GABRB2: variants seen among roughly 807,000 people sequenced by gnomAD.
GABRB2 encodes the protein gamma-aminobutyric acid type A receptor subunit beta2, also known as gamma-aminobutyric acid receptor subunit beta-2.
In GABRB2, 16 loss-of-function variants were observed where a neutral mutation model predicts 54.7. The ratio of observed to expected loss-of-function variants is 0.29; its 90% CI spans 0.20 to 0.44. GABRB2 has a LOEUF of 0.44. Among genes scored for constraint, GABRB2 ranks in the 20% least tolerant of loss-of-function variants. The pLI is 1.00. For missense variants in GABRB2, 355 were observed against 644.0 expected (o/e 0.55, Z 4.86); for synonymous variants, 244 against 233.8 (o/e 1.04, Z -0.40).
In GABRB2 at chr5:161,541,302, T is replaced by C. The variant is rs115013253; in HGVS notation, c.237+3925A>G. Among the ~76,000 whole-genome samples the C allele has an allele frequency of 5.5e-3, 841 of 152,246 alleles. 7 individuals carry two copies. Among genetic ancestry groups the C allele is most frequent in the African/African-American group, 0.019 (798 of 41,524 alleles). ...GAGCACAGGCCGAGTAGATTTAGCA[T>C]CATTCTTAAGGGACCTAGGATTTGA... On this transcript the variant is annotated intron_variant, in intron 3 of 9. Coordinates refer to ENST00000393959, the MANE Select transcript of GABRB2 (RefSeq NM_001371727.1).
intron 3 of GABRB2, among the ~76,000 whole-genome samples, chr5:161,481,064 C>T (rs755305445): frequency 4.6e-5 from 7 of 152,004 alleles, no homozygotes; most frequent in Non-Finnish European, 1.0e-4. Flanking sequence ...TCTATTCAAA[C>T]AACAAACGCA....
intron 5 of GABRB2, among the ~76,000 whole-genome samples, chr5:161,392,927 A>C (rs1365829214): frequency 6.6e-6 from 1 of 152,116 alleles, no homozygotes; most frequent in Admixed American, 6.6e-5. Flanking sequence ...TATTATTCAA[A>C]CTTTTTATTA....
chr5:161,333,047 T>A (rs556691781), intron 7 of GABRB2, among the ~76,000 whole-genome samples: 2 of 152,272 alleles, frequency 1.3e-5, no homozygotes, highest in South Asian at 4.1e-4. Flanking sequence ...ACATTGCTGA[T>A]TTTACTACTT....
At chr5:161,440,936 C>A (rs886799727) in intron 4 of GABRB2, among the ~76,000 whole-genome samples, 1 of 152,122 alleles carries the variant, frequency 6.6e-6, no homozygotes, top group Non-Finnish European at 1.5e-5. Flanking sequence ...CTAAACTAGA[C>A]CCCTATGTAT....
chr5:161,404,394 T>C (rs1474485215), intron 5 of GABRB2, among the ~76,000 whole-genome samples: 1 of 152,112 alleles, frequency 6.6e-6, no homozygotes, highest in Non-Finnish European at 1.5e-5. Context: ...ACTGTAGTTT[T>C]ACAGCAGTAT....
intron 4 of GABRB2, among the ~76,000 whole-genome samples, chr5:161,415,196 A>T (rs776837229): frequency 3.3e-5 from 5 of 152,198 alleles, no homozygotes; most frequent in African/African-American, 9.6e-5. Flanking sequence ...TCTGTCTTCA[A>T]TCAAAGGAAA....
At chr5:161,469,826 TG>T (rs1447193170) in intron 3 of GABRB2, among the ~76,000 whole-genome samples, 2 of 151,984 alleles carry the variant, frequency 1.3e-5, no homozygotes, top group Non-Finnish European at 2.9e-5. Context: ...AGAAACCCTA[TG>T]GCCATGAAGT....
chr5:161,546,565 A>G lies in GABRB2; in HGVS notation c.77+2T>C, dbSNP rs1419814224. On this transcript the variant is annotated splice_donor_variant, in intron 1 of 9. Transcript: ENST00000393959. LOFTEE classifies it high-confidence loss of function. ...GAAAAGAGAAACGCTGGGCACACTT[A>G]CCTCTGCGCACAGACAGCGGCGATT... 6.3e-7 allele frequency: 1 copy of G among 1,594,842 alleles called. No homozygotes were observed. Among genetic ancestry groups the G allele is most frequent in the Non-Finnish European group, 8.6e-7 (1 of 1,169,366 alleles).
At chr5:161,304,976 A>C (rs138628254) in intron 9 of GABRB2, among the ~76,000 whole-genome samples, 4 of 151,238 alleles carry the variant, frequency 2.6e-5, no homozygotes, top group South Asian at 2.1e-4. Context: ...GAAAAGGGGA[A>C]GAAAACTATA....
intron 3 of GABRB2, among the ~76,000 whole-genome samples, chr5:161,475,147 T>A (rs1275520225): frequency 1.3e-5 from 2 of 151,986 alleles, no homozygotes; most frequent in African/African-American, 4.8e-5. Context: ...GCTTAATATC[T>A]CTAAGTTTCA....
At chr5:161,381,887 C>A (rs1755480176) in intron 5 of GABRB2, among the ~76,000 whole-genome samples, 2 of 152,092 alleles carry the variant, frequency 1.3e-5, no homozygotes, top group South Asian at 4.1e-4. Context: ...GTGTGCAGAT[C>A]AGATAAAATG....
At chr5:161,338,862 A>G (rs1415741252) in intron 5 of GABRB2, among the ~76,000 whole-genome samples, 1 of 152,128 alleles carries the variant, frequency 6.6e-6, no homozygotes, top group Non-Finnish European at 1.5e-5. Flanking sequence ...TATTAAGTGA[A>G]TTGAACAGTA....
chr5:161,521,659 G>A (rs1414922107), intron 3 of GABRB2, among the ~76,000 whole-genome samples: 2 of 151,864 alleles, frequency 1.3e-5, no homozygotes, highest in Non-Finnish European at 2.9e-5. Context: ...AAATGTTAGT[G>A]TTGGTATTAT....
At chr5:161,337,378 A>T (rs1180446843) in intron 5 of GABRB2, among the ~76,000 whole-genome samples, 2 of 152,148 alleles carry the variant, frequency 1.3e-5, no homozygotes, top group African/African-American at 2.4e-5. Flanking sequence ...TTTGTAGCAT[A>T]TTTAGTTTCA....
At chr5:161,455,456 A>C (rs1757923956) in intron 4 of GABRB2, among the ~76,000 whole-genome samples, 1 of 152,066 alleles carries the variant, frequency 6.6e-6, no homozygotes, top group African/African-American at 2.4e-5. Context: ...GACCTTTTAA[A>C]TGTTGAGTGG....
intron 9 of GABRB2, among the ~76,000 whole-genome samples, chr5:161,321,939 C>G (rs1328598964): frequency 6.6e-6 from 1 of 151,986 alleles, no homozygotes; most frequent in Non-Finnish European, 1.5e-5. Flanking sequence ...CTAATAGGTA[C>G]AGCAAAATTT....
At chr5:161,468,278 T>C (rs1758335025) in intron 3 of GABRB2, among the ~76,000 whole-genome samples, 1 of 152,088 alleles carries the variant, frequency 6.6e-6, no homozygotes, top group South Asian at 2.1e-4. Flanking sequence ...TTAAGGCCTA[T>C]GTAACCTGGA....
chr5:161,439,348 C>T (rs1021376163), intron 4 of GABRB2, among the ~76,000 whole-genome samples: 2 of 151,984 alleles, frequency 1.3e-5, no homozygotes, highest in Non-Finnish European at 2.9e-5. Flanking sequence ...CCCAGATGAA[C>T]AAAAACTGAG....
At chr5:161,490,625 C>T (rs537715195) in intron 3 of GABRB2, among the ~76,000 whole-genome samples, 138 of 151,740 alleles carry the variant, frequency 9.1e-4, no homozygotes, top group Non-Finnish European at 1.4e-3. Flanking sequence ...GACTGTTAAA[C>T]TCATCTCAGT....
Sources: gnomAD v4.1 joint callset for allele counts (sites outside exome capture counted in the v4.1 genomes callset) on GRCh38, gnomAD v4.1.1 for gene constraint, MANE v1.5 for transcripts, NCBI Gene and HGNC (gene_info 2026-07-23, HGNC 2026-07-21) for gene names.